The following PFKFB3 variants were observed in gnomAD, a reference collection of about 807,000 sequenced individuals.
PFKFB3 encodes 6-phosphofructo-2-kinase/fructose-2,6-biphosphatase 3.
A neutral mutation model predicts 68.0 loss-of-function variants in PFKFB3; 33 were observed. The ratio of observed to expected loss-of-function variants is 0.49; its 90% CI spans 0.37 to 0.65. The LOEUF (loss-of-function observed/expected upper bound fraction) is 0.65, where lower values mean the gene tolerates loss of function less well. Among genes scored for constraint, PFKFB3 ranks in the 30% least tolerant of loss-of-function variants. The pLI is 0.00. For missense variants in PFKFB3, 586 were observed against 712.2 expected, an observed-to-expected ratio of 0.82 and a Z score of 2.02; for synonymous variants, 315 against 288.2, an observed-to-expected ratio of 1.09 and a Z score of -0.94.
At chr10:6,223,054 C>A in intron 11 of PFKFB3, 70 bp downstream of exon 11, 1 of 1,514,106 alleles carries the variant, frequency 6.6e-7, no homozygotes, top group Non-Finnish European at 9.0e-7. Flanking sequence ...GGGTCAGCCG[C>A]AGACCTGCCG....
At chr10:6,284,073 T>C in the PFKFB3 span, among the ~76,000 whole-genome samples, 5 of 152,222 alleles carry the variant, frequency 3.3e-5, no homozygotes, top group South Asian at 6.2e-4. Context: ...TTCAGCGTTA[T>C]ATTTGTTAAG....
chr10:6,198,730 G>A (rs112840901), upstream of PFKFB3, among the ~76,000 whole-genome samples: 4,656 of 152,272 alleles, frequency 0.031, 206 homozygotes, highest in African/African-American at 0.099. Flanking sequence ...TGATCTGCCC[G>A]CCTTGGCCTC....
intron 1 of PFKFB3, among the ~76,000 whole-genome samples, chr10:6,206,694 C>T (rs951392487): frequency 1.9e-4 from 29 of 151,634 alleles, no homozygotes; most frequent in Admixed American, 2.6e-4. Flanking sequence ...GATGGGCGGC[C>T]GGGCAGAGAT....
the PFKFB3 span, among the ~76,000 whole-genome samples, chr10:6,320,626 T>C: frequency 1.3e-4 from 20 of 152,156 alleles, no homozygotes; most frequent in African/African-American, 4.8e-4. Context: ...GGTCTCCCTA[T>C]GTTGCCCAGG....
In PFKFB3 at chr10:6,215,370, C is replaced by G. The variant is rs947729731; in HGVS notation, c.299+53C>G. ...GGGCTGTGGGAATAAGGCTGGGCCGCGGGCATAAGGCTGGGCTGCAGGAGT... is the reference window on the plus strand; with the variant it reads ...GGGCTGTGGGAATAAGGCTGGGCCGGGGGCATAAGGCTGGGCTGCAGGAGT... On this transcript the variant is annotated intron_variant, in intron 3 of 14. Coordinates refer to ENST00000379775, the MANE Select transcript of PFKFB3 (RefSeq NM_004566.4). The surrounding 1 kb of genome is among the most constrained non-coding windows in gnomAD (Gnocchi z 4.3). 3 of 1,389,186 alleles carry G rather than the reference C, an allele frequency of 2.2e-6. No homozygotes were observed. The highest frequency in any genetic ancestry group is 2.3e-5 in the East Asian group (1 of 43,210). 86.1% of individuals were successfully genotyped at this position (1,389,186 alleles called of 1,614,324 possible).
downstream of PFKFB3, among the ~76,000 whole-genome samples, chr10:6,237,530 T>A (rs1357238593): frequency 6.6e-6 from 1 of 152,262 alleles, no homozygotes; most frequent in African/African-American, 2.4e-5. Context: ...CAAAGCCTTC[T>A]GTGAGTTTTC....
chr10:6,210,582 T>TCCGCCCGCCTTGGCCTCCCAG (rs1445183165), intron 1 of PFKFB3, among the ~76,000 whole-genome samples: 5 of 52,960 alleles, frequency 9.4e-5, no homozygotes, highest in African/African-American at 2.3e-4. Context: ...ATAGTCTTGA[T>TCCGCCCGCCTTGGCCTCCCAG]AGTGTTTTTA....
chr10:6,190,526 G>A (rs1842993986), intron 1 of PFKFB3, among the ~76,000 whole-genome samples: 1 of 152,092 alleles, frequency 6.6e-6, no homozygotes, highest in Non-Finnish European at 1.5e-5. Context: ...AGGATTTTGG[G>A]TGCAGTGGCT....
Position 6,216,178 on chromosome 10 carries a change from G to A in PFKFB3, c.353G>A (p.Gly118Glu). ...GTCAAAAGCTACCTGGCGAAAGAAG[G>A]GGGACAAATTGCGGTAAGTCCAGGC... ...RDVKSYLAKE[G>E]GQIAVFDATN... The change falls in exon 4 of 15, where the codon GGG (glycine) becomes GAG (glutamate). Residue 118 changes from glycine to glutamate, a missense_variant. Transcript: ENST00000379775. The A allele has an allele frequency of 6.2e-7, 1 of 1,614,154 alleles. No individual in the cohort carries two copies. Among genetic ancestry groups the A allele is most frequent in the Non-Finnish European group, 8.5e-7 (1 of 1,179,990 alleles).
intron 1 of PFKFB3, among the ~76,000 whole-genome samples, chr10:6,173,048 G>C (rs1243861618): frequency 2.0e-5 from 3 of 152,096 alleles, no homozygotes; most frequent in Non-Finnish European, 4.4e-5. Context: ...TTCATGGTTT[G>C]GCCTGCATGT....
At chr10:6,219,528 T>A (rs775086581) in intron 6 of PFKFB3, 41 bp from the exon 7 acceptor site, 2 of 1,613,010 alleles carry the variant, frequency 1.2e-6, no homozygotes, top group Non-Finnish European at 1.7e-6. Context: ...GCAGAAAGCC[T>A]TCCAGCGTGA....
chr10:6,293,638 G>A, the PFKFB3 span: 12 of 246,910 alleles, frequency 4.9e-5, no homozygotes, highest in South Asian at 1.3e-4. Context: ...GAGCCACGAC[G>A]TCCGGTCTAT....
intron 1 of PFKFB3, 97 bp downstream of exon 1, chr10:6,203,433 C>A: frequency 1.3e-6 from 1 of 750,358 alleles, no homozygotes; most frequent in South Asian, 5.3e-5. Context: ...CTGCGGGGGG[C>A]GCGCCCGTGC....
chr10:6,230,655 G>A (rs1425979518), intron 14 of PFKFB3, among the ~76,000 whole-genome samples: 1 of 151,990 alleles, frequency 6.6e-6, no homozygotes, highest in Non-Finnish European at 1.5e-5. Context: ...CTTCTCTGGG[G>A]CAGCAGGAAC....
At chr10:6,286,046 T>C in the PFKFB3 span, among the ~76,000 whole-genome samples, 4 of 147,922 alleles carry the variant, frequency 2.7e-5, no homozygotes, top group African/African-American at 1.0e-4. Context: ...GGTGTGATCT[T>C]GGCTCACTGG....
At position 6,165,060 on chromosome 10, in the gene PFKFB3, C is replaced by T. The variant is rs114701852; in HGVS notation, c.16+20047C>T. On this transcript the variant is annotated intron_variant, in intron 1 of 14. Transcript: ENST00000379789. ...CCTTTACGGGTGTCTGGCTGGGGCA[C>T]GGTCAGGTCTTTCCCTTCCCAGGAG... Among the ~76,000 whole-genome samples the T allele has an allele frequency of 7.8e-3, 1,187 of 152,172 alleles. 25 individuals are homozygous for T. The highest frequency in any genetic ancestry group is 0.027 in the African/African-American group (1,127 of 41,520).
intron 1 of PFKFB3, among the ~76,000 whole-genome samples, chr10:6,145,404 G>T (rs1193660549): frequency 6.7e-6 from 1 of 149,252 alleles, no homozygotes; most frequent in African/African-American, 2.5e-5. Flanking sequence ...GACTCCGGCC[G>T]CCACCACGTG....
At chr10:6,194,743 A>G (rs1843129474) in intron 1 of PFKFB3, among the ~76,000 whole-genome samples, 1 of 152,178 alleles carries the variant, frequency 6.6e-6, no homozygotes, top group South Asian at 2.1e-4. Context: ...AGGGCCTTGG[A>G]GTGACCACCT....
At chr10:6,324,619 G>A in the PFKFB3 span, among the ~76,000 whole-genome samples, 11 of 152,004 alleles carry the variant, frequency 7.2e-5, no homozygotes, top group African/African-American at 9.7e-5. Flanking sequence ...TAGTGGACAC[G>A]GGGTTTTGCC....
Sources: allele counts gnomAD v4.1 joint callset (sites outside exome capture counted in the v4.1 genomes callset), GRCh38; gene constraint gnomAD v4.1.1; non-coding constraint Gnocchi (gnomAD v3.1); transcripts MANE v1.5; gene names NCBI Gene and HGNC (gene_info 2026-07-23, HGNC 2026-07-21).